IL1RAP: variants seen among roughly 807,000 people sequenced by gnomAD.
IL1RAP encodes the protein interleukin 1 receptor accessory protein.
A neutral mutation model predicts 60.7 loss-of-function variants in IL1RAP; 35 were observed. The ratio of observed to expected loss-of-function variants is 0.58; its 90% confidence interval spans 0.44 to 0.76. The LOEUF (loss-of-function observed/expected upper bound fraction) is 0.76, where lower values mean the gene tolerates loss of function less well. Among genes scored for constraint, IL1RAP ranks in the 30% least tolerant of loss-of-function variants. IL1RAP has a pLI of 0.00. For synonymous variants in IL1RAP, 268 were observed against 250.9 expected (o/e 1.07, Z -0.64); for missense variants, 572 against 693.9 (o/e 0.82, Z 1.97).
At position 190,644,108 on chromosome 3, in the gene IL1RAP, T is replaced by G. The variant is rs1339869426; in HGVS notation, c.1052-140T>G. ...CTAGTATTTTAAAATAGTGCTAAAC[T>G]CTACAATGTTATCTCTGATTGTTCA... is the stretch of plus-strand genomic sequence containing the variant. On this transcript the variant is annotated intron_variant, in intron 9 of 11. Coordinates refer to ENST00000447382, the MANE Select transcript of IL1RAP (RefSeq NM_002182.4). 4 of 1,423,346 alleles carry G rather than the reference T, an allele frequency of 2.8e-6. No individual in the cohort carries two copies. The East Asian group carries it at 7.6e-5, about 27-fold the overall frequency. 88.2% of individuals were successfully genotyped at this position (1,423,346 alleles called of 1,614,324 possible).
At chr3:190,572,107 A>T (rs1726979898) in intron 3 of IL1RAP, among the ~76,000 whole-genome samples, 1 of 152,138 alleles carries the variant, frequency 6.6e-6, no homozygotes, top group Non-Finnish European at 1.5e-5. Flanking sequence ...CCAGATGCAA[A>T]AACCTACTAG....
At position 190,610,131 on chromosome 3, in the gene IL1RAP, A is replaced by T. The variant is rs539462978; in HGVS notation, c.537+950A>T. ...GTGAGTAGAATCAAAAGTAAACTGG[A>T]TGAGGACAATATATAGGAAGGAAAG... On this transcript the variant is annotated intron_variant, in intron 5 of 11. Transcript: ENST00000447382. Among the ~76,000 whole-genome samples, 59 of 152,274 alleles carry T rather than the reference A, an allele frequency of 3.9e-4. 1 individual carries two copies. The highest frequency in any genetic ancestry group is 1.4e-3 in the African/African-American group (59 of 41,568).
chr3:190,648,402 C>T lies in IL1RAP; in HGVS notation c.1410C>T (p.Pro470=), dbSNP rs1454621148. ...GACGCCTCCTGGTTGTTCTAAGCCC[C>T]AACTACGTGCTCCAGGGAACCCAAG... ...KSRRLLVVLS[P]NYVLQGTQAL... The change falls in exon 12 of 12, where the codon CCC becomes CCT. Residue 470 remains proline, a synonymous_variant. Coordinates refer to ENST00000447382, the MANE Select transcript of IL1RAP (RefSeq NM_002182.4). The T allele has an allele frequency of 4.3e-6, 7 of 1,613,646 alleles. No individual in the cohort carries two copies. Among genetic ancestry groups the T allele is most frequent in the Non-Finnish European group, 5.9e-6 (7 of 1,179,854 alleles).
At chr3:190,627,280 TTTTGTTTTTTG>T in intron 7 of IL1RAP, 32 bp from the exon 8 acceptor site, 1 of 1,441,258 alleles carries the variant, frequency 6.9e-7, no homozygotes, top group East Asian at 2.4e-5. Flanking sequence ...TTTTGTTTTG[TTTTGTTTTTTG>T]TTTTTTTTGT....
chr3:190,585,550 G>A (rs565071449), intron 3 of IL1RAP, among the ~76,000 whole-genome samples: 4 of 152,232 alleles, frequency 2.6e-5, no homozygotes, highest in Admixed American at 2.0e-4. Context: ...GGTGGCTCAC[G>A]CCTGCAATCC....
intron 3 of IL1RAP, among the ~76,000 whole-genome samples, chr3:190,578,313 T>C (rs945741270): frequency 6.6e-6 from 1 of 152,210 alleles, no homozygotes; most frequent in South Asian, 2.1e-4. Context: ...TCTGAGCTGT[T>C]GTATTCCTCG....
chr3:190,577,968 A>G (rs1727643475), intron 3 of IL1RAP, among the ~76,000 whole-genome samples: 1 of 152,214 alleles, frequency 6.6e-6, no homozygotes. Context: ...TATGGCCTCC[A>G]ACTGCATCGG....
At chr3:190,613,411 A>C (rs1560213692) in intron 5 of IL1RAP, among the ~76,000 whole-genome samples, 2 of 152,150 alleles carry the variant, frequency 1.3e-5, no homozygotes, top group South Asian at 4.1e-4. Context: ...TTAGGAGAAA[A>C]ATCAGAGCTA....
At chr3:190,643,006 G>A (rs990395283) in intron 9 of IL1RAP, among the ~76,000 whole-genome samples, 1 of 152,152 alleles carries the variant, frequency 6.6e-6, no homozygotes. Context: ...TCCCAGAAGT[G>A]TAAAATCTTA....
At chr3:190,597,629 C>A (rs1254201146) in intron 3 of IL1RAP, among the ~76,000 whole-genome samples, 2 of 152,272 alleles carry the variant, frequency 1.3e-5, no homozygotes, top group Non-Finnish European at 2.9e-5. Context: ...ATTCACATGG[C>A]CCCAACCCAA....
chr3:190,646,766 G>A (rs1353373564), intron 11 of IL1RAP, among the ~76,000 whole-genome samples: 1 of 151,930 alleles, frequency 6.6e-6, no homozygotes, highest in African/African-American at 2.4e-5. Context: ...ATATTGCATG[G>A]ATAATTGAGA....
In IL1RAP at chr3:190,637,833, GT is replaced by G. The variant is rs372264613; in HGVS notation, c.1052-6405del. ...TGTTTTTATTTCCTTTTTTAGAATA[GT>G]TTTTTTTTTATATATTCTAGAACTC... On this transcript the variant is annotated intron_variant, in intron 9 of 11. Coordinates refer to ENST00000447382, the MANE Select transcript of IL1RAP (RefSeq NM_002182.4). Among the ~76,000 whole-genome samples, 1,344 of 148,784 alleles carry G rather than the reference GT, an allele frequency of 9.0e-3. 6 individuals are homozygous for G. The highest frequency in any genetic ancestry group is 0.011 in the Non-Finnish European group (734 of 66,840).
At chr3:190,553,122 T>C (rs1198859107) in intron 1 of IL1RAP, among the ~76,000 whole-genome samples, 2 of 152,128 alleles carry the variant, frequency 1.3e-5, no homozygotes, top group African/African-American at 4.8e-5. Flanking sequence ...ATCCCGGCCA[T>C]AGGTAAGCTA....
intron 3 of IL1RAP, among the ~76,000 whole-genome samples, chr3:190,571,808 T>G (rs1015968970): frequency 6.6e-6 from 1 of 152,200 alleles, no homozygotes; most frequent in Non-Finnish European, 1.5e-5. Context: ...AACACAAATT[T>G]TGAAACTTTC....
chr3:190,617,466 C>T (rs1731379071), intron 5 of IL1RAP, among the ~76,000 whole-genome samples: 1 of 152,198 alleles, frequency 6.6e-6, no homozygotes, highest in Non-Finnish European at 1.5e-5. Context: ...AATCGCTCTT[C>T]TATTTAACTT....
At chr3:190,609,878 C>T (rs1052488697) in intron 5 of IL1RAP, among the ~76,000 whole-genome samples, 11 of 152,114 alleles carry the variant, frequency 7.2e-5, no homozygotes, top group Non-Finnish European at 1.0e-4. Context: ...ATGGAAGTAA[C>T]GTGGTGTCTG....
At chr3:190,609,315 AGTATT>A in intron 5 of IL1RAP, 134 bp downstream of exon 5, 1 of 583,170 alleles carries the variant, frequency 1.7e-6, no homozygotes, top group Non-Finnish European at 2.8e-6. Flanking sequence ...GCTTTATGGA[AGTATT>A]TCAGCACGTC....
intron 1 of IL1RAP, among the ~76,000 whole-genome samples, chr3:190,551,924 C>A (rs527921325): frequency 1.2e-3 from 180 of 152,084 alleles, no homozygotes; most frequent in Non-Finnish European, 2.2e-3. Context: ...TTTAGAAATT[C>A]CATACAATTT....
chr3:190,633,444 C>G (rs1210617183), intron 9 of IL1RAP, among the ~76,000 whole-genome samples: 6 of 152,096 alleles, frequency 3.9e-5, no homozygotes, highest in Non-Finnish European at 5.9e-5. Flanking sequence ...GCAATCTCCA[C>G]CTCCTGAGTT....
Sources: allele counts gnomAD v4.1 joint callset (sites outside exome capture counted in the v4.1 genomes callset), GRCh38; gene constraint gnomAD v4.1.1; transcripts MANE v1.5; gene names NCBI Gene and HGNC (gene_info 2026-07-23, HGNC 2026-07-21).